Variants in SPTA1 observed in about 807,000 individuals in gnomAD.
SPTA1 encodes the protein spectrin alpha, erythrocytic 1, also known as spectrin alpha chain, erythrocytic 1.
SPTA1 carries 177 observed loss-of-function variants against 324.7 expected under a neutral mutation model. That is an observed-to-expected ratio of 0.55 (90% CI 0.48 to 0.62). The LOEUF (loss-of-function observed/expected upper bound fraction) is 0.62, where lower values mean the gene tolerates loss of function less well. SPTA1 is among the 20% of genes least tolerant of loss of function. The pLI, the probability that SPTA1 is intolerant of heterozygous loss-of-function variation, is 0.00. For missense variants in SPTA1, 3,162 were observed against 2,883.6 expected, an observed-to-expected ratio of 1.10 and a Z score of -2.21; for synonymous variants, 1,195 against 1,041.3, an observed-to-expected ratio of 1.15 and a Z score of -2.84.
intron 21 of SPTA1, 65 bp from the exon 22 acceptor site, chr1:158,653,490 T>C: frequency 6.2e-7 from 1 of 1,604,922 alleles, no homozygotes; most frequent in Non-Finnish European, 8.5e-7. Flanking sequence ...GGGAGAGACT[T>C]CAACACTAAG....
At position 158,667,928 on chromosome 1, in the gene SPTA1, G is replaced by C. The variant is rs1430879794; in HGVS notation, c.1968C>G (p.Asp656Glu). The C allele has an allele frequency of 1.2e-6, 2 of 1,614,036 alleles. No homozygotes were observed. The highest frequency in any genetic ancestry group is 3.3e-5 in the Admixed American group (2 of 60,006). The change falls in exon 15 of 52, where the codon GAC becomes GAG. Residue 656 changes from aspartate to glutamate, a missense_variant. Asp to Glu is a conservative substitution (Grantham distance 45). Transcript: ENST00000643759. ...EMIEGGHYASDNVTTRLSEVA... is the reference protein window; with the variant it reads ...EMIEGGHYASENVTTRLSEVA... ...CTTCACTCAGACGAGTGGTCACATT[G>C]TCAGAGGCATAGTGACCACCCTCAA...
At chr1:158,665,948 G>C (rs1175040567) in intron 16 of SPTA1, among the ~76,000 whole-genome samples, 1 of 152,078 alleles carries the variant, frequency 6.6e-6, no homozygotes, top group African/African-American at 2.4e-5. Flanking sequence ...TCTAGATTGA[G>C]AGAAGAGTTT....
intron 39 of SPTA1, among the ~76,000 whole-genome samples, chr1:158,628,836 G>T (rs1392636730): frequency 6.6e-6 from 1 of 151,974 alleles, no homozygotes; most frequent in East Asian, 1.9e-4. Context: ...AATATCTAGA[G>T]AAAATAGATA....
chr1:158,618,127 T>C, intron 45 of SPTA1, 71 bp from the exon 46 acceptor site: 1 of 1,425,874 alleles, frequency 7.0e-7, no homozygotes, highest in Non-Finnish European at 9.9e-7. Flanking sequence ...TGGATTACTT[T>C]AAAGATCTCA....
intron 24 of SPTA1, 92 bp from the exon 25 acceptor site, chr1:158,650,039 T>A: frequency 1.2e-6 from 1 of 865,524 alleles, no homozygotes; most frequent in South Asian, 1.4e-5. Context: ...AAAACATAGT[T>A]GTTTTTACGT....
intron 42 of SPTA1, among the ~76,000 whole-genome samples, chr1:158,623,915 C>T (rs1469173739): frequency 6.6e-6 from 1 of 152,166 alleles, no homozygotes; most frequent in African/African-American, 2.4e-5. Context: ...TTTGTGTAGC[C>T]TAGTGACTTG....
Position 158,612,872 on chromosome 1 carries a change from G to T in SPTA1, c.7079C>A (p.Ala2360Asp). Residue 2360 changes from alanine to aspartate, a missense_variant, in exon 51 of 52, where the codon GCC becomes GAC. By Grantham distance (126) the Ala-to-Asp change is moderately radical. Coordinates refer to ENST00000643759, the MANE Select transcript of SPTA1 (RefSeq NM_003126.4). ...CTTGCCCTCTGCCAGGGCTTGGAAG[G>T]CATTCTCTATTTCATCACTGGACTT... The part of the protein sequence containing the change: ...NIKSSDEIEN[A>D]FQALAEGKSY... 2.5e-6 allele frequency: 4 copies of T among 1,613,920 alleles called. No homozygotes were observed. Among genetic ancestry groups the T allele is most frequent in the Non-Finnish European group, 3.4e-6 (4 of 1,179,892 alleles).
At chr1:158,622,174 A>G (rs1026184676) in intron 43 of SPTA1, among the ~76,000 whole-genome samples, 2 of 152,162 alleles carry the variant, frequency 1.3e-5, no homozygotes, top group African/African-American at 4.8e-5. Context: ...TCCTTCCATT[A>G]TTGATATTTT....
At chr1:158,662,652 A>G in intron 17 of SPTA1, 50 bp downstream of exon 17, 1 of 1,612,254 alleles carries the variant, frequency 6.2e-7, no homozygotes, top group Non-Finnish European at 8.5e-7. Flanking sequence ...CTCTCAATAT[A>G]TAGACCTTGG....
Position 158,666,433 on chromosome 1 carries a change from G to C in SPTA1, c.2103C>G (p.Arg701=). ...QFENNAEDLQ[R]WLEDVEWQVT... ...CTTGCCACTCAACATCCTCCAGCCA[G>C]CGCTGCAAATCTTCTGCATTATTTT... The change falls in exon 16 of 52, where the codon CGC becomes CGG. Residue 701 remains arginine (R), a synonymous_variant. Transcript: ENST00000643759. 6.2e-7 allele frequency: 1 copy of C among 1,613,490 alleles called. No individual in the cohort carries two copies. Among genetic ancestry groups the C allele is most frequent in the Middle Eastern group, 1.7e-4 (1 of 6,060 alleles).
At chr1:158,636,274 CT>C (rs1254952308) in intron 37 of SPTA1, among the ~76,000 whole-genome samples, 2 of 152,190 alleles carry the variant, frequency 1.3e-5, no homozygotes, top group African/African-American at 4.8e-5. Flanking sequence ...TCTCCCTAAT[CT>C]GCTTTTTCGT....
chr1:158,617,452 A>G (rs1649626579), intron 47 of SPTA1, 85 bp downstream of exon 47: 1 of 1,123,674 alleles, frequency 8.9e-7, no homozygotes, highest in African/African-American at 1.5e-5. Flanking sequence ...ACCTAAAAGT[A>G]TCACCTGGGC....
At chr1:158,678,209 C>T (rs1319791872) in intron 6 of SPTA1, among the ~76,000 whole-genome samples, 192 bp downstream of exon 6, 4 of 152,172 alleles carry the variant, frequency 2.6e-5, no homozygotes, top group African/African-American at 9.7e-5. Flanking sequence ...CCAATCTCTA[C>T]ATCCTTGGCC....
At chr1:158,626,045 C>T in intron 42 of SPTA1, 101 bp downstream of exon 42, 1 of 992,568 alleles carries the variant, frequency 1.0e-6, no homozygotes, top group Non-Finnish European at 1.6e-6. Flanking sequence ...CTTACAGAGG[C>T]TACAGACAAT....
chr1:158,669,764 T>G lies in SPTA1; in HGVS notation c.1622A>C (p.Lys541Thr), dbSNP rs766589185. 6.2e-7 allele frequency: 1 copy of G among 1,614,008 alleles called. No homozygotes were observed. The highest frequency in any genetic ancestry group is 8.5e-7 in the Non-Finnish European group (1 of 1,179,950). Residue 541 changes from lysine (K) to threonine (T), a missense_variant, in exon 13 of 52, where the codon AAA becomes ACA. Transcript: ENST00000643759. ...ATCATAATGGTCATCACCAATCAAT[T>G]TGGTTGCAGTCTTGTCTACAGTCTG... is the stretch of plus-strand genomic sequence containing the variant. ...KIITVDKTAT[K>T]LIGDDHYDSE...
Position 158,661,316 on chromosome 1 carries a change from G to T in SPTA1, c.2558C>A (p.Thr853Lys). ...CTCTACCATTTTGTTTCCCCTTTCT[G>T]TTATCTCTTGAATGCGTGGTTCATG... is the stretch of plus-strand genomic sequence containing the variant. The part of the protein sequence containing the change: ...ASHEPRIQEI[T>K]ERGNKMVEEG... The change falls in exon 18 of 52, where the codon ACA becomes AAA. Residue 853 changes from threonine to lysine, a missense_variant. Coordinates refer to ENST00000643759, the MANE Select transcript of SPTA1 (RefSeq NM_003126.4). The T allele has an allele frequency of 6.2e-7, 1 of 1,613,652 alleles. No individual in the cohort carries two copies. Among genetic ancestry groups the T allele is most frequent in the Non-Finnish European group, 8.5e-7 (1 of 1,179,866 alleles).
In SPTA1 at chr1:158,681,679, AG is replaced by A. The variant is rs1382007844; in HGVS notation, c.391-13del. 5 of 1,613,526 alleles carry A rather than the reference AG, an allele frequency of 3.1e-6. No individual in the cohort carries two copies. Among genetic ancestry groups the A allele is most frequent in the Middle Eastern group, 3.3e-4 (2 of 6,056 alleles). ...TCCTCTATATGGGCCTTTAGGAAAGAGGGGCAAAACCACTCAGCCACAGACA... is the reference window on the plus strand; with the variant it reads ...TCCTCTATATGGGCCTTTAGGAAAGAGGGCAAAACCACTCAGCCACAGACA... On this transcript the variant is annotated splice_polypyrimidine_tract_variant and intron_variant, in intron 3 of 51. Coordinates refer to ENST00000643759, the MANE Select transcript of SPTA1 (RefSeq NM_003126.4).
At position 158,636,664 on chromosome 1, in the gene SPTA1, C is replaced by A. The variant is rs764095440; in HGVS notation, c.5287G>T (p.Val1763Leu). Residue 1763 changes from valine (V) to leucine (L), a missense_variant, in exon 37 of 52, where the codon GTG (valine) becomes TTG (leucine). By Grantham distance (32) the Val-to-Leu change is conservative. Transcript: ENST00000643759. ...ACCTGGATGGCAGGCTCATGGGCCA[C>A]CAGCTCCCCCTCTAGGCGTTTGTGC... ...KKHKRLEGEL[V>L]AHEPAIQNVL... 2.2e-5 allele frequency: 35 copies of A among 1,613,984 alleles called. No homozygotes were observed. Among genetic ancestry groups the A allele is most frequent in the Non-Finnish European group, 1.8e-5 (21 of 1,180,010 alleles).
intron 42 of SPTA1, among the ~76,000 whole-genome samples, chr1:158,625,627 C>G (rs1650218505): frequency 6.6e-6 from 1 of 150,694 alleles, no homozygotes; most frequent in African/African-American, 2.4e-5. Flanking sequence ...AATACACTAC[C>G]AAATAATAAA....
Sources: gnomAD v4.1 joint callset for allele counts (sites outside exome capture counted in the v4.1 genomes callset) on GRCh38, gnomAD v4.1.1 for gene constraint, MANE v1.5 for transcripts, NCBI Gene and HGNC (gene_info 2026-07-23, HGNC 2026-07-21) for gene names.